The following SPTSSB variants were observed in gnomAD, a reference collection of about 807,000 sequenced individuals.
The protein encoded by SPTSSB is serine palmitoyltransferase small subunit B.
Under a neutral mutation model 7.7 loss-of-function variants are expected in SPTSSB, and 6 were observed. The observed-to-expected ratio is 0.78, with a 90% confidence interval of 0.43 to 1.54. SPTSSB has a LOEUF of 1.54. Among genes scored for constraint, SPTSSB ranks in the 40% most tolerant of loss-of-function variants. The pLI, the probability that SPTSSB is intolerant of heterozygous loss-of-function variation, is 0.01. For missense variants in SPTSSB, 91 were observed against 93.0 expected, an observed-to-expected ratio of 0.98 and a Z score of 0.09; for synonymous variants, 28 against 29.7, an observed-to-expected ratio of 0.94 and a Z score of 0.19.
intron 2 of SPTSSB, among the ~76,000 whole-genome samples, chr3:161,346,982 A>G (rs73017390): frequency 6.6e-6 from 1 of 152,156 alleles, no homozygotes; most frequent in East Asian, 1.9e-4. Context: ...TTTATCTTCA[A>G]CCTCTGAGTT....
At chr3:161,349,556 C>T (rs900335168) in intron 2 of SPTSSB, among the ~76,000 whole-genome samples, 2 of 152,060 alleles carry the variant, frequency 1.3e-5, no homozygotes, top group South Asian at 2.1e-4. Context: ...AGATGACTTT[C>T]GATATATGGA....
chr3:161,351,010 G>A (rs145442216), intron 2 of SPTSSB, among the ~76,000 whole-genome samples: 1 of 152,130 alleles, frequency 6.6e-6, no homozygotes, highest in Admixed American at 6.5e-5. Context: ...CAAGATACCT[G>A]ACCAGTACTC....
intron 1 of SPTSSB, among the ~76,000 whole-genome samples, chr3:161,369,338 T>TC (rs1560109067): frequency 2.0e-5 from 2 of 102,206 alleles, no homozygotes; most frequent in African/African-American, 8.1e-5. Flanking sequence ...CTTTCTTTCT[T>TC]TCTTTCTTTC....
rs981200323 is a variant in SPTSSB at position 161,363,489 on chromosome 3, CTTTG to C, written c.-125-3599_-125-3596del. On this transcript the variant is annotated intron_variant, in intron 1 of 2. Transcript: ENST00000620149. ...GGTTTTTAATCACAAAGAATAATTT[CTTTG>C]TTTATTAATAGTTTTAACTACTGTT... Among the ~76,000 whole-genome samples the C allele has an allele frequency of 1.6e-4, 25 of 151,976 alleles. 1 individual carries two copies. Among genetic ancestry groups the C allele is most frequent in the Admixed American group, 1.4e-3 (22 of 15,272 alleles).
At chr3:161,351,056 T>G (rs1254476049) in intron 2 of SPTSSB, among the ~76,000 whole-genome samples, 5 of 151,956 alleles carry the variant, frequency 3.3e-5, no homozygotes, top group Admixed American at 3.3e-4. Context: ...ACAAGCAAAC[T>G]GTGAAAAATT....
chr3:161,353,783 AG>A (rs1714648370), intron 2 of SPTSSB, among the ~76,000 whole-genome samples: 1 of 152,208 alleles, frequency 6.6e-6, no homozygotes, highest in Non-Finnish European at 1.5e-5. Flanking sequence ...ATCAGTTTCC[AG>A]ATACCTTGCT....
At chr3:161,350,716 A>G (rs1488157590) in intron 2 of SPTSSB, among the ~76,000 whole-genome samples, 1 of 152,188 alleles carries the variant, frequency 6.6e-6, no homozygotes, top group Non-Finnish European at 1.5e-5. Context: ...TTTATTTAAA[A>G]AATTAGAAAT....
intron 1 of SPTSSB, among the ~76,000 whole-genome samples, chr3:161,364,207 A>G (rs1233918972): frequency 6.6e-6 from 1 of 152,216 alleles, no homozygotes; most frequent in African/African-American, 2.4e-5. Flanking sequence ...TTTGAGACCA[A>G]AGGAAAGTTC....
At chr3:161,369,264 CTT>C (rs991409714) in intron 1 of SPTSSB, among the ~76,000 whole-genome samples, 12 of 148,080 alleles carry the variant, frequency 8.1e-5, no homozygotes. Context: ...CTTTCTTTCT[CTT>C]TCTTTTTCTT....
chr3:161,353,391 T>A (rs1714631067), intron 2 of SPTSSB, among the ~76,000 whole-genome samples: 1 of 152,234 alleles, frequency 6.6e-6, no homozygotes, highest in Admixed American at 6.5e-5. Flanking sequence ...AACTACCCCT[T>A]ATTTATGTTT....
At chr3:161,368,212 A>AT (rs1391978951) in intron 1 of SPTSSB, among the ~76,000 whole-genome samples, 1 of 152,168 alleles carries the variant, frequency 6.6e-6, no homozygotes, top group Non-Finnish European at 1.5e-5. Context: ...TTTTAAACCC[A>AT]TTTGTTCTTT....
chr3:161,355,534 A>G (rs62279923), intron 2 of SPTSSB, among the ~76,000 whole-genome samples: 6,081 of 152,292 alleles, frequency 0.04, 143 homozygotes, highest in African/African-American at 0.055. Flanking sequence ...AACAGAAGGA[A>G]ATTCTGGCAC....
chr3:161,361,727 C>T (rs1037772564), intron 1 of SPTSSB, among the ~76,000 whole-genome samples: 1 of 152,132 alleles, frequency 6.6e-6, no homozygotes, highest in Non-Finnish European at 1.5e-5. Flanking sequence ...CTATTTTCTA[C>T]ATGCATTTTA....
intron 2 of SPTSSB, among the ~76,000 whole-genome samples, chr3:161,352,568 C>T (rs1349261351): frequency 1.3e-5 from 2 of 152,214 alleles, no homozygotes; most frequent in African/African-American, 4.8e-5. Flanking sequence ...ATCTTTTTAT[C>T]CCCAGTGCCT....
intron 2 of SPTSSB, among the ~76,000 whole-genome samples, chr3:161,350,499 A>G (rs1227703206): frequency 6.6e-6 from 1 of 152,030 alleles, no homozygotes; most frequent in Non-Finnish European, 1.5e-5. Flanking sequence ...TCACTTTGGA[A>G]CTCTACATCA....
intron 1 of SPTSSB, among the ~76,000 whole-genome samples, chr3:161,361,980 C>A (rs773716146): frequency 6.6e-6 from 1 of 152,196 alleles, no homozygotes; most frequent in East Asian, 1.9e-4. Context: ...GATTTTCCTG[C>A]CCATCAAAAC....
chr3:161,350,617 A>G (rs1434862984), intron 2 of SPTSSB, among the ~76,000 whole-genome samples: 1 of 152,172 alleles, frequency 6.6e-6, no homozygotes, highest in African/African-American at 2.4e-5. Context: ...ATCTAAAAAG[A>G]GACTCTTTCT....
At chr3:161,349,817 A>T (rs1008499387) in intron 2 of SPTSSB, among the ~76,000 whole-genome samples, 1 of 152,208 alleles carries the variant, frequency 6.6e-6, no homozygotes, top group Admixed American at 6.5e-5. Context: ...AGGTTATTTC[A>T]TAACTGGGAA....
intron 2 of SPTSSB, among the ~76,000 whole-genome samples, chr3:161,346,861 T>G (rs1714265111): frequency 1.3e-5 from 2 of 152,004 alleles, no homozygotes; most frequent in African/African-American, 4.8e-5. Flanking sequence ...GTAGGTTGCT[T>G]TTGAGGGGCC....
Sources: gnomAD v4.1 joint callset for allele counts (sites outside exome capture counted in the v4.1 genomes callset) on GRCh38, gnomAD v4.1.1 for gene constraint, MANE v1.5 for transcripts, NCBI Gene and HGNC (gene_info 2026-07-23, HGNC 2026-07-21) for gene names.